Variants in EFCAB8 observed in about 807,000 individuals in gnomAD.
EFCAB8 encodes EF-hand calcium binding domain 8, also known as EF-hand calcium-binding domain-containing protein 8.
EFCAB8 carries 100 observed loss-of-function variants against 116.3 expected under a neutral mutation model. That is an observed-to-expected ratio of 0.86 (90% CI 0.73 to 1.02). The LOEUF is 1.02. Among genes scored for constraint, EFCAB8 ranks in the 50% least tolerant of loss-of-function variants. The probability of loss-of-function intolerance (pLI) is 0.00; values close to 1 mark genes in which losing one functional copy is unlikely to be tolerated. For missense variants in EFCAB8, 1,320 were observed against 1,416.9 expected, an observed-to-expected ratio of 0.93 and a Z score of 1.10; for synonymous variants, 558 against 567.9, an observed-to-expected ratio of 0.98 and a Z score of 0.25.
intron 16 of EFCAB8, 140 bp from the exon 17 acceptor site, chr20:32,912,654 T>C: frequency 1.5e-6 from 1 of 679,778 alleles, no homozygotes; most frequent in Non-Finnish European, 2.7e-6. Flanking sequence ...TGATGACAAA[T>C]ACATGGTGGT....
intron 4 of EFCAB8, among the ~76,000 whole-genome samples, chr20:32,877,926 C>T (rs939977800): frequency 1.1e-4 from 16 of 152,142 alleles, no homozygotes; most frequent in Admixed American, 6.5e-4. Context: ...GCGAGGGAGA[C>T]GCTGCTGTGC....
intron 3 of EFCAB8, among the ~76,000 whole-genome samples, chr20:32,870,948 TC>T (rs1183663938): frequency 6.6e-6 from 1 of 151,606 alleles, no homozygotes; most frequent in East Asian, 1.9e-4. Context: ...AACCTCTGCC[TC>T]CCAGGTTCAA....
In EFCAB8 at chr20:32,944,222, C is replaced by A. The variant is rs190633988; in HGVS notation, c.2959+418C>A. On this transcript the variant is annotated intron_variant, in intron 23 of 26. Transcript: ENST00000400522. ...AGGCGCGGTGGCTCACTACTGTAAT[C>A]CCAACACTTTTTTGTCCCCTTTTCC... 3.0e-3 allele frequency among the ~76,000 whole-genome samples: 457 copies of A among 152,202 alleles called. 1 individual carries two copies. Among genetic ancestry groups the A allele is most frequent in the Non-Finnish European group, 3.7e-3 (250 of 68,002 alleles).
rs1032026790 is a variant in EFCAB8, at chr20:32,878,633, G to A, written c.328-71G>A. The A allele has an allele frequency of 1.5e-5, 19 of 1,240,910 alleles. No homozygotes were observed. The Admixed American group carries it at 2.0e-4, about 13-fold the overall frequency. The allele number at this position is 1,240,910 out of a possible 1,614,324, so 76.9% of individuals were successfully genotyped here. A position where few individuals can be genotyped will look rare whatever the true frequency, so the allele number is the denominator to read the frequency against. On this transcript the variant is annotated intron_variant, in intron 4 of 26. Transcript: ENST00000400522. Reference sequence around the variant, plus strand: ...CCCGGGTTCACGCCATTCTCCTGCCGAGTTCTTGAAACTGAAGGCTGAGAC... The same window carrying A: ...CCCGGGTTCACGCCATTCTCCTGCCAAGTTCTTGAAACTGAAGGCTGAGAC...
At chr20:32,957,099 A>T (rs1936202) in intron 23 of EFCAB8, among the ~76,000 whole-genome samples, 45,853 of 151,390 alleles carry the variant, frequency 0.3, 7,457 homozygotes, top group African/African-American at 0.34. Context: ...TTTTAGTTTT[A>T]GAATGTCCAT....
At position 32,894,585 on chromosome 20, in the gene EFCAB8, T is replaced by C. The variant is rs536562972; in HGVS notation, c.883+1287T>C. On this transcript the variant is annotated intron_variant, in intron 9 of 26. Coordinates refer to ENST00000400522, the MANE Select transcript of EFCAB8 (RefSeq NM_001143967.2). ...TGAAGGCTAGGGACAAACATGACGA[T>C]GAGGTGGGCCCAGTGTATGGACTTG... Among the ~76,000 whole-genome samples, 153 of 152,248 alleles carry C rather than the reference T, an allele frequency of 1.0e-3. 1 individual carries two copies. Among genetic ancestry groups the C allele is most frequent in the Middle Eastern group, 6.8e-3 (2 of 292 alleles).
At chr20:32,921,573 T>G (rs548685539) in intron 20 of EFCAB8, among the ~76,000 whole-genome samples, 266 of 152,110 alleles carry the variant, frequency 1.7e-3, no homozygotes, top group African/African-American at 6.2e-3. Flanking sequence ...AATACTAGTT[T>G]ATAATAAAAA....
Position 32,885,594 on chromosome 20 carries a change from T to A in EFCAB8, c.521T>A (p.Ile174Asn). 6.4e-7 allele frequency: 1 copy of A among 1,551,824 alleles called. No homozygotes were observed. Among genetic ancestry groups the A allele is most frequent in the Non-Finnish European group, 8.7e-7 (1 of 1,147,028 alleles). Reference protein sequence around the residue: ...GCFLTVTKDGILQFWSESFSL... With the variant: ...GCFLTVTKDGNLQFWSESFSL... ...TTCCTGACTGTCACCAAAGACGGGATCCTGCAGTTCTGGTCTGAGTCCTTC... is the reference window on the plus strand; with the variant it reads ...TTCCTGACTGTCACCAAAGACGGGAACCTGCAGTTCTGGTCTGAGTCCTTC... Residue 174 changes from isoleucine to asparagine, a missense_variant, in exon 6 of 27, where the codon ATC (isoleucine) becomes AAC (asparagine). Physicochemically the swap from Ile to Asn is moderately radical, Grantham distance 149. Coordinates refer to ENST00000400522, the MANE Select transcript of EFCAB8 (RefSeq NM_001143967.2).
chr20:32,892,543 C>T (rs1045831942), intron 8 of EFCAB8, among the ~76,000 whole-genome samples: 1 of 152,234 alleles, frequency 6.6e-6, no homozygotes, highest in African/African-American at 2.4e-5. Flanking sequence ...GCCACCAAAT[C>T]CCAGCAGAGG....
chr20:32,867,403 G>A (rs1440678579), intron 2 of EFCAB8, among the ~76,000 whole-genome samples, 179 bp from the exon 3 acceptor site: 2 of 152,190 alleles, frequency 1.3e-5, no homozygotes, highest in Non-Finnish European at 2.9e-5. Flanking sequence ...AAGAGTCTAG[G>A]TTTTTCTTTA....
chr20:32,868,741 T>C (rs1480462575), intron 3 of EFCAB8, among the ~76,000 whole-genome samples: 4 of 152,150 alleles, frequency 2.6e-5, no homozygotes, highest in African/African-American at 9.7e-5. Flanking sequence ...TCCCAACAGT[T>C]TGAGAGGCCA....
chr20:32,913,991 C>T (rs1329599793), intron 17 of EFCAB8, among the ~76,000 whole-genome samples: 1 of 152,252 alleles, frequency 6.6e-6, no homozygotes, highest in Non-Finnish European at 1.5e-5. Flanking sequence ...GGAGCCTTGC[C>T]CCCATGGTGG....
chr20:32,936,532 G>A (rs1988126044), intron 22 of EFCAB8, among the ~76,000 whole-genome samples: 1 of 152,002 alleles, frequency 6.6e-6, no homozygotes, highest in Admixed American at 6.6e-5. Context: ...TCTGTATGTG[G>A]ATCCAATTTT....
At chr20:32,948,953 C>T (rs1357253567) in intron 23 of EFCAB8, among the ~76,000 whole-genome samples, 2 of 151,862 alleles carry the variant, frequency 1.3e-5, no homozygotes, top group African/African-American at 4.8e-5. Context: ...AGACATGTCA[C>T]TTCGATTCAA....
intron 9 of EFCAB8, among the ~76,000 whole-genome samples, chr20:32,895,364 G>A (rs186922172): frequency 1.3e-3 from 175 of 131,656 alleles, no homozygotes; most frequent in African/African-American, 4.9e-3. Flanking sequence ...ATACTCTGTT[G>A]CCCAGGCTGG....
intron 14 of EFCAB8, 24 bp from the exon 15 acceptor site, chr20:32,909,797 C>T: frequency 8.4e-7 from 1 of 1,196,786 alleles, no homozygotes; most frequent in East Asian, 3.2e-5. Context: ...CAGACAAGCT[C>T]TCTGCCCCTT....
chr20:32,897,031 C>T (rs893380169), intron 10 of EFCAB8, among the ~76,000 whole-genome samples: 11 of 152,304 alleles, frequency 7.2e-5, no homozygotes, highest in African/African-American at 2.6e-4. Flanking sequence ...GACGCAGGCT[C>T]CTCTGCTGTT....
intron 17 of EFCAB8, among the ~76,000 whole-genome samples, chr20:32,916,647 A>G (rs1286508372): frequency 1.3e-5 from 2 of 152,054 alleles, no homozygotes. Context: ...ACCTTCAGAT[A>G]CTCTCACATT....
intron 1 of EFCAB8, among the ~76,000 whole-genome samples, chr20:32,861,725 C>T (rs921239140): frequency 6.6e-6 from 1 of 152,116 alleles, no homozygotes; most frequent in Admixed American, 6.6e-5. Context: ...ATTGCAAGAC[C>T]CCATCTCAAA....
Sources: gnomAD v4.1 joint callset for allele counts (sites outside exome capture counted in the v4.1 genomes callset) on GRCh38, gnomAD v4.1.1 for gene constraint, MANE v1.5 for transcripts, NCBI Gene and HGNC (gene_info 2026-07-23, HGNC 2026-07-21) for gene names.